The following TRAPPC9 variants were observed in gnomAD, a reference collection of about 807,000 sequenced individuals.
TRAPPC9 encodes IKK2 binding protein.
TRAPPC9 carries 83 observed loss-of-function variants against 124.0 expected under a neutral mutation model. The ratio of observed to expected loss-of-function variants is 0.67; its 90% confidence interval spans 0.56 to 0.80. TRAPPC9 has a LOEUF of 0.80. Ranked by LOEUF, TRAPPC9 falls within the 30% of genes least tolerant of loss-of-function variation. The probability of loss-of-function intolerance (pLI) is 0.00; values close to 1 mark genes in which losing one functional copy is unlikely to be tolerated. For synonymous variants in TRAPPC9, 638 were observed against 617.5 expected (o/e 1.03, Z -0.49); for missense variants, 1,302 against 1,508.3 (o/e 0.86, Z 2.27).
chr8:140,254,084 A>C (rs1424420171), intron 15 of TRAPPC9, among the ~76,000 whole-genome samples: 1 of 152,156 alleles, frequency 6.6e-6, no homozygotes, highest in Non-Finnish European at 1.5e-5. Flanking sequence ...GCGTCTCTCC[A>C]CGGCTCCAGT....
chr8:140,105,666 G>A (rs1260235599), intron 17 of TRAPPC9, among the ~76,000 whole-genome samples: 1 of 152,094 alleles, frequency 6.6e-6, no homozygotes, highest in African/African-American at 2.4e-5. Flanking sequence ...AGATCTAGCA[G>A]TACCTCCTCT....
intron 7 of TRAPPC9, among the ~76,000 whole-genome samples, chr8:140,383,249 G>A (rs200613386): frequency 6.6e-6 from 1 of 152,100 alleles, no homozygotes. Context: ...TCTAAAAATC[G>A]GAGCACCTCT....
rs79025146 is a variant in TRAPPC9 at position 139,782,641 on chromosome 8, A to G, written c.3056-50439T>C. On this transcript the variant is annotated intron_variant, in intron 21 of 22. Transcript: ENST00000438773. ...GTGGGCAACTGAATATCTTGTTTCA[A>G]TGATCGATACCAGCAAATAGAAAAT... Among the ~76,000 whole-genome samples the G allele has an allele frequency of 1.2e-3, 178 of 152,370 alleles. 5 individuals carry two copies. In the East Asian group the frequency reaches 0.031, roughly 26 times the overall value.
chr8:139,967,797 A>G (rs887024737), intron 19 of TRAPPC9, among the ~76,000 whole-genome samples: 2 of 152,234 alleles, frequency 1.3e-5, no homozygotes, highest in Admixed American at 1.3e-4. Context: ...TGGAAACTGT[A>G]TAATAAAACA....
At chr8:139,998,456 T>C (rs941785372) in intron 18 of TRAPPC9, among the ~76,000 whole-genome samples, 11 of 152,230 alleles carry the variant, frequency 7.2e-5, no homozygotes, top group South Asian at 2.1e-4. Context: ...CAGTGGCTCA[T>C]GCCTGTAATC....
intron 3 of TRAPPC9, among the ~76,000 whole-genome samples, chr8:140,438,635 C>T (rs900004587): frequency 5.9e-5 from 9 of 152,158 alleles, no homozygotes; most frequent in Non-Finnish European, 1.2e-4. Context: ...TGCTTTTCCT[C>T]CCTCATCCCT....
intron 21 of TRAPPC9, among the ~76,000 whole-genome samples, chr8:139,811,917 A>G (rs1824470168): frequency 6.6e-6 from 1 of 152,232 alleles, no homozygotes; most frequent in Admixed American, 6.5e-5. Flanking sequence ...TAAACTGATA[A>G]AGAGAAAGGC....
intron 19 of TRAPPC9, among the ~76,000 whole-genome samples, chr8:139,943,732 C>T (rs1482591309): frequency 1.3e-5 from 2 of 152,016 alleles, no homozygotes; most frequent in Non-Finnish European, 2.9e-5. Context: ...AGTGGAAAAG[C>T]TAAAACTGAG....
At chr8:140,065,944 A>G (rs948164156) in intron 17 of TRAPPC9, among the ~76,000 whole-genome samples, 7 of 152,206 alleles carry the variant, frequency 4.6e-5, no homozygotes, top group African/African-American at 1.7e-4. Flanking sequence ...TGCATTCCAT[A>G]AGGCTACAGC....
At chr8:139,812,094 G>A (rs929835101) in intron 21 of TRAPPC9, among the ~76,000 whole-genome samples, 5 of 152,192 alleles carry the variant, frequency 3.3e-5, no homozygotes, top group African/African-American at 1.2e-4. Flanking sequence ...AACCACGCAT[G>A]CACACACGAT....
intron 9 of TRAPPC9, among the ~76,000 whole-genome samples, chr8:140,326,498 T>C (rs1005645609): frequency 6.6e-6 from 1 of 152,192 alleles, no homozygotes; most frequent in Admixed American, 6.5e-5. Context: ...TCTGCAACCA[T>C]GACCAGTGAT....
chr8:139,896,571 G>C (rs751953245), intron 20 of TRAPPC9, among the ~76,000 whole-genome samples: 2 of 152,216 alleles, frequency 1.3e-5, no homozygotes, highest in Non-Finnish European at 2.9e-5. Context: ...CTAGCAAGTG[G>C]CAGGGGCCAG....
chr8:140,319,172 C>CTTTTTT (rs35283714), intron 9 of TRAPPC9, among the ~76,000 whole-genome samples: 4 of 118,512 alleles, frequency 3.4e-5, no homozygotes, highest in Non-Finnish European at 5.1e-5. Context: ...TTATTTTGAA[C>CTTTTTT]TTTTTTTTTT....
intron 18 of TRAPPC9, among the ~76,000 whole-genome samples, chr8:140,019,330 G>C (rs1839675768): frequency 6.6e-6 from 1 of 151,986 alleles, no homozygotes; most frequent in South Asian, 2.1e-4. Flanking sequence ...ATGGAAGTTG[G>C]GAAGTATTTC....
intron 17 of TRAPPC9, among the ~76,000 whole-genome samples, chr8:140,132,074 C>T (rs184464970): frequency 5.9e-5 from 9 of 152,354 alleles, no homozygotes; most frequent in Non-Finnish European, 1.0e-4. Flanking sequence ...TCCCTGGTCA[C>T]ACCTCTGCTG....
chr8:139,861,720 C>G (rs1185097148), intron 21 of TRAPPC9, among the ~76,000 whole-genome samples: 1 of 152,058 alleles, frequency 6.6e-6, no homozygotes, highest in East Asian at 1.9e-4. Context: ...GCTATGGAGC[C>G]CACAAATCGA....
At position 140,447,741 on chromosome 8, in the gene TRAPPC9, C is replaced by T. The variant is rs568744423; in HGVS notation, c.584+3049G>A. Among the ~76,000 whole-genome samples, 181 of 152,252 alleles carry T rather than the reference C, an allele frequency of 1.2e-3. 1 individual carries two copies. The highest frequency in any genetic ancestry group is 4.0e-3 in the African/African-American group (165 of 41,542). On this transcript the variant is annotated intron_variant, in intron 2 of 22. Transcript: ENST00000438773. ...AAACTGGCCTTACATCTGGACATTTCCTGTTGAGCTACAAAATACCACCCC... is the reference window on the plus strand; with the variant it reads ...AAACTGGCCTTACATCTGGACATTTTCTGTTGAGCTACAAAATACCACCCC...
Position 139,862,543 on chromosome 8 carries a change from C to T in TRAPPC9, c.3055+23336G>A, listed in dbSNP as rs574050842. ...CTTCAAAGGGGCCCAGAGGCGGGGA[C>T]GCCTGTAAGGATCACTTCCTCTGTT... On this transcript the variant is annotated intron_variant, in intron 21 of 22. Transcript: ENST00000438773. 7.9e-5 allele frequency among the ~76,000 whole-genome samples: 12 copies of T among 152,306 alleles called. No individual in the cohort carries two copies. In the East Asian group the frequency reaches 1.9e-3, roughly 25 times the overall value.
intron 17 of TRAPPC9, among the ~76,000 whole-genome samples, chr8:140,138,391 AC>A (rs1414160517): frequency 4.6e-5 from 7 of 152,202 alleles, no homozygotes; most frequent in Non-Finnish European, 1.5e-5. Context: ...TATGTTTAAC[AC>A]ACAATCTCTC....
Sources: allele counts gnomAD v4.1 joint callset (sites outside exome capture counted in the v4.1 genomes callset), GRCh38; gene constraint gnomAD v4.1.1; transcripts MANE v1.5; gene names NCBI Gene and HGNC (gene_info 2026-07-23, HGNC 2026-07-21).